CRY1: variants seen among roughly 807,000 people sequenced by gnomAD.
The protein encoded by CRY1 is cryptochrome circadian regulator 1, also known as cryptochrome-1.
Under a neutral mutation model 76.0 loss-of-function variants are expected in CRY1, and 45 were observed. The ratio of observed to expected loss-of-function variants is 0.59; its 90% confidence interval spans 0.47 to 0.76. The LOEUF (loss-of-function observed/expected upper bound fraction) is 0.76, where lower values mean the gene tolerates loss of function less well. CRY1 is among the 30% of genes least tolerant of loss of function. The pLI is 0.00. For synonymous variants in CRY1, 248 were observed against 244.0 expected, an observed-to-expected ratio of 1.02 and a Z score of -0.15; for missense variants, 587 against 716.4, an observed-to-expected ratio of 0.82 and a Z score of 2.06.
At chr12:107,028,257 A>C (rs1419912675) in intron 1 of CRY1, among the ~76,000 whole-genome samples, 2 of 152,144 alleles carry the variant, frequency 1.3e-5, no homozygotes, top group African/African-American at 2.4e-5. Context: ...GTGTGTGTGT[A>C]AATTTAATAA....
intron 3 of CRY1, among the ~76,000 whole-genome samples, chr12:107,003,675 C>G (rs1229357739): frequency 6.6e-6 from 1 of 152,102 alleles, no homozygotes. Context: ...TACAATAATA[C>G]TACTGAGGAC....
At chr12:107,071,563 C>T (rs1953190791) in intron 1 of CRY1, among the ~76,000 whole-genome samples, 1 of 152,024 alleles carries the variant, frequency 6.6e-6, no homozygotes, top group Admixed American at 6.6e-5. Context: ...TTGGTAGAAC[C>T]CAACTATGAA....
At chr12:106,994,727 C>T (rs1015256911) in intron 10 of CRY1, among the ~76,000 whole-genome samples, 2 of 152,150 alleles carry the variant, frequency 1.3e-5, no homozygotes, top group African/African-American at 4.8e-5. Context: ...GCAGTCTGTG[C>T]CATCATTGTG....
chr12:107,054,878 T>C (rs1490540141), intron 1 of CRY1, among the ~76,000 whole-genome samples: 1 of 152,110 alleles, frequency 6.6e-6, no homozygotes, highest in African/African-American at 2.4e-5. Context: ...GGAGAACATA[T>C]ATTTAATTTT....
At chr12:107,000,152 GA>G (rs1343994104) in intron 5 of CRY1, 70 bp from the exon 6 acceptor site, 2 of 1,455,882 alleles carry the variant, frequency 1.4e-6, no homozygotes, top group Non-Finnish European at 9.2e-7. Flanking sequence ...TCAGAATGGA[GA>G]TTTTTTTTTT....
At chr12:107,015,066 C>T (rs961772387) in intron 2 of CRY1, among the ~76,000 whole-genome samples, 2 of 151,968 alleles carry the variant, frequency 1.3e-5, no homozygotes, top group Non-Finnish European at 2.9e-5. Context: ...TTAGTAGAGA[C>T]GGGGTTTCAC....
intron 2 of CRY1, among the ~76,000 whole-genome samples, chr12:107,012,777 C>T (rs1179879967): frequency 6.6e-6 from 1 of 152,118 alleles, no homozygotes; most frequent in Non-Finnish European, 1.5e-5. Flanking sequence ...AAAATATCAA[C>T]ATTAACAGCA....
intron 1 of CRY1, among the ~76,000 whole-genome samples, chr12:107,035,181 A>G (rs1366869946): frequency 6.6e-6 from 1 of 152,220 alleles, no homozygotes; most frequent in African/African-American, 2.4e-5. Context: ...TAATGCTGAA[A>G]AATTATTCCA....
chr12:107,077,847 A>C (rs1953276194), intron 1 of CRY1, among the ~76,000 whole-genome samples: 1 of 151,564 alleles, frequency 6.6e-6, no homozygotes, highest in African/African-American at 2.4e-5. Flanking sequence ...CCTGCTACAC[A>C]CACCTTTGTT....
intron 1 of CRY1, among the ~76,000 whole-genome samples, chr12:107,040,474 T>C (rs900674327): frequency 6.6e-6 from 1 of 151,686 alleles, no homozygotes; most frequent in African/African-American, 2.4e-5. Context: ...TTAGTAGAGA[T>C]GGAGTTTCAC....
chr12:107,009,527 A>T (rs1952415574), intron 2 of CRY1, among the ~76,000 whole-genome samples: 1 of 146,072 alleles, frequency 6.8e-6, no homozygotes. Flanking sequence ...CGACAGAGCA[A>T]GACTCCATCT....
At chr12:106,998,693 A>C (rs11113158) in intron 7 of CRY1, among the ~76,000 whole-genome samples, 1,103 of 80,546 alleles carry the variant, frequency 0.014, 15 homozygotes, top group African/African-American at 0.053. Flanking sequence ...CACACACACA[A>C]GCTCAGAAAT....
chr12:107,031,529 T>C (rs1952674458), intron 1 of CRY1, among the ~76,000 whole-genome samples: 1 of 152,160 alleles, frequency 6.6e-6, no homozygotes, highest in South Asian at 2.1e-4. Context: ...ATAGTAACTT[T>C]ACAGCAGTGA....
intron 8 of CRY1, 51 bp from the exon 9 acceptor site, chr12:106,997,741 A>G (rs369094397): frequency 3.4e-5 from 55 of 1,598,558 alleles, no homozygotes; most frequent in African/African-American, 2.0e-4. Flanking sequence ...TAAGCAAACT[A>G]TAACTACTAG....
chr12:107,059,213 C>T (rs1226509470), intron 1 of CRY1, among the ~76,000 whole-genome samples: 1 of 152,066 alleles, frequency 6.6e-6, no homozygotes, highest in Non-Finnish European at 1.5e-5. Context: ...TTACAACCCC[C>T]CAAATTGATA....
At chr12:107,025,860 T>A (rs1015244356) in intron 1 of CRY1, among the ~76,000 whole-genome samples, 1 of 151,614 alleles carries the variant, frequency 6.6e-6, no homozygotes, top group Non-Finnish European at 1.5e-5. Context: ...CTCATACCCC[T>A]TTCTCTCACA....
intron 1 of CRY1, among the ~76,000 whole-genome samples, chr12:107,083,589 A>G (rs1953355453): frequency 6.6e-6 from 1 of 152,170 alleles, no homozygotes; most frequent in African/African-American, 2.4e-5. Context: ...AATGACAAAA[A>G]CCACACAATT....
At chr12:107,083,745 G>C (rs10746086) in intron 1 of CRY1, among the ~76,000 whole-genome samples, 76,783 of 151,974 alleles carry the variant, frequency 0.51, 20,320 homozygotes, top group East Asian at 0.72. Flanking sequence ...ATACTGAATG[G>C]GCAAAAGCTG....
At chr12:107,021,932 CT>C (rs1431507487) in intron 2 of CRY1, 151 bp downstream of exon 2, 4 of 568,462 alleles carry the variant, frequency 7.0e-6, no homozygotes, top group Non-Finnish European at 1.2e-5. Flanking sequence ...CCATGTATAG[CT>C]TTTTCATTAA....
Sources: allele counts gnomAD v4.1 joint callset (sites outside exome capture counted in the v4.1 genomes callset), GRCh38; gene constraint gnomAD v4.1.1; transcripts MANE v1.5; gene names NCBI Gene and HGNC (gene_info 2026-07-23, HGNC 2026-07-21).